IMMP2L: variants seen among roughly 807,000 people sequenced by gnomAD.
The protein encoded by IMMP2L is inner mitochondrial membrane peptidase subunit 2, also known as mitochondrial inner membrane protease subunit 2.
In IMMP2L, 18 loss-of-function variants were observed where a neutral mutation model predicts 19.3. The ratio of observed to expected loss-of-function variants is 0.93; its 90% CI spans 0.64 to 1.38. IMMP2L has a LOEUF of 1.38. Among genes scored for constraint, IMMP2L ranks in the 40% most tolerant of loss-of-function variants. The pLI, the probability that IMMP2L is intolerant of heterozygous loss-of-function variation, is 0.00. For synonymous variants in IMMP2L, 76 were observed against 73.0 expected (o/e 1.04, Z -0.21); for missense variants, 233 against 218.2 (o/e 1.07, Z -0.43).
chr7:111,046,596 G>T (rs111718531), intron 3 of IMMP2L, among the ~76,000 whole-genome samples: 3 of 152,062 alleles, frequency 2.0e-5, no homozygotes, highest in African/African-American at 7.2e-5. Flanking sequence ...GATTACAGAA[G>T]ACTATTAAAT....
At chr7:111,254,542 G>A (rs1186236342) in intron 3 of IMMP2L, among the ~76,000 whole-genome samples, 1 of 152,068 alleles carries the variant, frequency 6.6e-6, no homozygotes, top group Non-Finnish European at 1.5e-5. Flanking sequence ...GGGGCAGACT[G>A]TCAGAATATC....
At chr7:111,133,307 A>G (rs947003979) in intron 3 of IMMP2L, among the ~76,000 whole-genome samples, 5 of 152,068 alleles carry the variant, frequency 3.3e-5, no homozygotes, top group African/African-American at 1.2e-4. Flanking sequence ...ACGATTACAC[A>G]TATTTGGGGG....
At chr7:110,835,193 A>C (rs965497097) in intron 5 of IMMP2L, among the ~76,000 whole-genome samples, 5 of 152,114 alleles carry the variant, frequency 3.3e-5, no homozygotes, top group Non-Finnish European at 7.4e-5. Flanking sequence ...CAAAATAAAA[A>C]CTTTGCTGCA....
intron 3 of IMMP2L, among the ~76,000 whole-genome samples, chr7:111,445,904 G>C (rs185048562): frequency 6.6e-6 from 1 of 152,338 alleles, no homozygotes; most frequent in African/African-American, 2.4e-5. Context: ...GGAAGCGCAA[G>C]GGGTCAGGGA....
At chr7:110,982,648 G>A (rs1436743739) in intron 3 of IMMP2L, among the ~76,000 whole-genome samples, 1 of 152,062 alleles carries the variant, frequency 6.6e-6, no homozygotes, top group African/African-American at 2.4e-5. Context: ...GACTGTACAA[G>A]TATACTTCGT....
chr7:111,150,171 G>A (rs1020991924), intron 3 of IMMP2L, among the ~76,000 whole-genome samples: 8 of 152,112 alleles, frequency 5.3e-5, no homozygotes, highest in Non-Finnish European at 1.2e-4. Flanking sequence ...ACAATGTATT[G>A]CAATTTGACA....
At position 111,016,551 on chromosome 7, in the gene IMMP2L, G is replaced by C. The variant is rs1235408034; in HGVS notation, c.240-52986C>G. ...TATATATTATATATTATAATATATA[G>C]TATATATAATATATAATACATACAT... On this transcript the variant is annotated intron_variant, in intron 3 of 5. Transcript: ENST00000405709. Among the ~76,000 whole-genome samples the C allele has an allele frequency of 1.4e-4, 16 of 111,140 alleles. No homozygotes were observed. In the East Asian group the frequency reaches 3.7e-3, roughly 25 times the overall value. 72.9% of individuals were successfully genotyped at this position (111,140 alleles called of 152,430 possible).
At chr7:111,195,879 T>G (rs1364449283) in intron 3 of IMMP2L, among the ~76,000 whole-genome samples, 3 of 58,280 alleles carry the variant, frequency 5.1e-5, no homozygotes, top group Non-Finnish European at 1.1e-4. Flanking sequence ...ATCATTTCAT[T>G]TCATTTTATT....
intron 3 of IMMP2L, among the ~76,000 whole-genome samples, chr7:111,484,888 T>C (rs1374072101): frequency 6.6e-6 from 1 of 152,024 alleles, no homozygotes; most frequent in African/African-American, 2.4e-5. Context: ...CCAGGCTCAA[T>C]CGATCTTCCT....
intron 3 of IMMP2L, among the ~76,000 whole-genome samples, chr7:111,109,964 T>C (rs1799006727): frequency 6.6e-6 from 1 of 152,132 alleles, no homozygotes; most frequent in Non-Finnish European, 1.5e-5. Context: ...TGAAACACTG[T>C]GTCTATTAAA....
rs570022523 is a variant in IMMP2L at position 111,056,010 on chromosome 7, T to G, written c.240-92445A>C. ...GAACTATTTTTTAATATTCTGTATATTTTATCAATTAAAGCCTAATATCAA... is the reference window on the plus strand; with the variant it reads ...GAACTATTTTTTAATATTCTGTATAGTTTATCAATTAAAGCCTAATATCAA... On this transcript the variant is annotated intron_variant, in intron 3 of 5. Coordinates refer to ENST00000405709, the MANE Select transcript of IMMP2L (RefSeq NM_032549.4). Among the ~76,000 whole-genome samples, 61 of 54,468 alleles carry G rather than the reference T, an allele frequency of 1.1e-3. 1 individual carries two copies. Among genetic ancestry groups the G allele is most frequent in the South Asian group, 7.2e-3 (12 of 1,676 alleles). 35.7% of individuals were successfully genotyped at this position (54,468 alleles called of 152,430 possible).
chr7:111,136,436 A>G (rs1382612543), intron 3 of IMMP2L, among the ~76,000 whole-genome samples: 2 of 152,158 alleles, frequency 1.3e-5, no homozygotes, highest in East Asian at 3.8e-4. Context: ...TAGAAATAAA[A>G]AAAAATGAAT....
At chr7:110,848,235 A>G (rs904353093) in intron 5 of IMMP2L, among the ~76,000 whole-genome samples, 3 of 152,222 alleles carry the variant, frequency 2.0e-5, no homozygotes, top group Non-Finnish European at 4.4e-5. Context: ...ATCACCTTTA[A>G]GAATGAGCAA....
chr7:110,796,209 T>C (rs1378389493), intron 5 of IMMP2L, among the ~76,000 whole-genome samples: 1 of 152,014 alleles, frequency 6.6e-6, no homozygotes, highest in Non-Finnish European at 1.5e-5. Context: ...ACCTCTTTCC[T>C]TTATAAATTA....
At chr7:111,467,023 G>A (rs540603341) in intron 3 of IMMP2L, among the ~76,000 whole-genome samples, 1 of 152,288 alleles carries the variant, frequency 6.6e-6, no homozygotes, top group South Asian at 2.1e-4. Context: ...ACTGTACTAA[G>A]TATGAGCTAA....
intron 5 of IMMP2L, among the ~76,000 whole-genome samples, chr7:110,693,669 T>C (rs1263086615): frequency 6.6e-6 from 1 of 152,086 alleles, no homozygotes; most frequent in Non-Finnish European, 1.5e-5. Flanking sequence ...GAAGCTTTCC[T>C]AGAGGGAACA....
intron 5 of IMMP2L, among the ~76,000 whole-genome samples, chr7:110,882,352 T>C (rs60148869): frequency 6.7e-5 from 9 of 135,322 alleles, no homozygotes; most frequent in East Asian, 2.0e-4. Flanking sequence ...CTCCTTCCTC[T>C]CTCCCTCTCT....
At chr7:111,558,939 C>T (rs141916326) in intron 1 of IMMP2L, among the ~76,000 whole-genome samples, 40 of 152,180 alleles carry the variant, frequency 2.6e-4, no homozygotes, top group African/African-American at 8.2e-4. Context: ...CTTGCTTCCA[C>T]AAAAAATACA....
At chr7:111,039,329 A>G (rs1161296776) in intron 3 of IMMP2L, among the ~76,000 whole-genome samples, 1 of 152,232 alleles carries the variant, frequency 6.6e-6, no homozygotes, top group Non-Finnish European at 1.5e-5. Flanking sequence ...TTAGGGAGTC[A>G]AAAACATGTT....
Sources: allele counts gnomAD v4.1 joint callset (sites outside exome capture counted in the v4.1 genomes callset), GRCh38; gene constraint gnomAD v4.1.1; transcripts MANE v1.5; gene names NCBI Gene and HGNC (gene_info 2026-07-23, HGNC 2026-07-21).